Variants in KAZN observed in about 807,000 individuals in gnomAD.
KAZN encodes kazrin, periplakin interacting protein.
In KAZN, 40 loss-of-function variants were observed where a neutral mutation model predicts 87.4. That is an observed-to-expected ratio of 0.46 (90% confidence interval 0.36 to 0.60). KAZN has a LOEUF of 0.60. Ranked by LOEUF, KAZN falls within the 20% of genes least tolerant of loss-of-function variation. The probability of loss-of-function intolerance (pLI) is 0.00; values close to 1 mark genes in which losing one functional copy is unlikely to be tolerated. For missense variants in KAZN, 898 were observed against 1,073.9 expected (o/e 0.84, Z 2.29); for synonymous variants, 466 against 458.3 (o/e 1.02, Z -0.22).
At chr1:14,261,844 G>A (rs1433613715) in intron 2 of KAZN, among the ~76,000 whole-genome samples, 3 of 152,086 alleles carry the variant, frequency 2.0e-5, no homozygotes, top group African/African-American at 7.2e-5. Flanking sequence ...GGAATTCAGT[G>A]GGGAAATTGC....
At chr1:14,994,186 G>A (rs1294614722) in intron 2 of KAZN, among the ~76,000 whole-genome samples, 1 of 152,248 alleles carries the variant, frequency 6.6e-6, no homozygotes, top group East Asian at 1.9e-4. Flanking sequence ...AATGGAGGAG[G>A]CACCAAGGAA....
intron 2 of KAZN, among the ~76,000 whole-genome samples, chr1:14,962,494 T>A (rs551110165): frequency 3.6e-4 from 55 of 152,320 alleles, no homozygotes; most frequent in African/African-American, 1.3e-3. Flanking sequence ...TAGGCAGATC[T>A]GTGTGAGCCA....
chr1:14,160,408 T>G (rs1027897162), intron 1 of KAZN, among the ~76,000 whole-genome samples: 1 of 152,152 alleles, frequency 6.6e-6, no homozygotes, highest in Non-Finnish European at 1.5e-5. Flanking sequence ...CACACTAAGA[T>G]GCTTTCCACA....
At chr1:14,182,809 A>G (rs1168761202) in intron 2 of KAZN, among the ~76,000 whole-genome samples, 1 of 152,222 alleles carries the variant, frequency 6.6e-6, no homozygotes, top group Non-Finnish European at 1.5e-5. Context: ...TCATTTTCAT[A>G]CACTAAGTTC....
At chr1:14,702,240 G>C (rs1003772373) in intron 1 of KAZN, among the ~76,000 whole-genome samples, 1 of 152,038 alleles carries the variant, frequency 6.6e-6, no homozygotes, top group East Asian at 1.9e-4. Context: ...GGAGGTTGAA[G>C]AAGCAAACCT....
At chr1:13,937,633 T>C (rs1430402309) in intron 1 of KAZN, among the ~76,000 whole-genome samples, 1 of 152,236 alleles carries the variant, frequency 6.6e-6, no homozygotes, top group Non-Finnish European at 1.5e-5. Context: ...TTCCTAGGTT[T>C]TCTTCAAGGA....
intron 2 of KAZN, among the ~76,000 whole-genome samples, chr1:14,202,332 C>A (rs964823016): frequency 2.6e-5 from 4 of 152,206 alleles, no homozygotes; most frequent in African/African-American, 9.6e-5. Flanking sequence ...TCATCAGTTC[C>A]TCTTCTGAAG....
chr1:14,623,262 T>C (rs536181617), intron 1 of KAZN, among the ~76,000 whole-genome samples: 1 of 152,342 alleles, frequency 6.6e-6, no homozygotes, highest in South Asian at 2.1e-4. Context: ...ATGTAGTACA[T>C]GCACACCATG....
rs1051751480 is a variant in KAZN, at chr1:14,456,418, G to GT, written c.250-142555dup. 4.2e-3 allele frequency among the ~76,000 whole-genome samples: 630 copies of GT among 148,922 alleles called. 6 individuals are homozygous for GT. Among genetic ancestry groups the GT allele is most frequent in the African/African-American group, 0.014 (579 of 40,672 alleles). On this transcript the variant is annotated intron_variant, in intron 2 of 16. Transcript: ENST00000636203. ...TAGATATTCGAAAAATATTTGTTGA[G>GT]TTTTTTTTTTATGTTGAAGCTTTTA...
chr1:13,915,337 A>T (rs2100882394), intron 1 of KAZN, among the ~76,000 whole-genome samples: 1 of 152,352 alleles, frequency 6.6e-6, no homozygotes, highest in Non-Finnish European at 1.5e-5. Context: ...AGAAGAAAAA[A>T]ATGCACTTTG....
At chr1:14,535,765 C>A (rs376007949) in intron 2 of KAZN, among the ~76,000 whole-genome samples, 1 of 152,362 alleles carries the variant, frequency 6.6e-6, no homozygotes, top group East Asian at 1.9e-4. Context: ...CCCTGTTCCA[C>A]ATGTCTGAAA....
rs150402072 is a variant in KAZN, at chr1:14,626,228, C to T, written c.226+27005C>T. Among the ~76,000 whole-genome samples, 209 of 152,334 alleles carry T rather than the reference C, an allele frequency of 1.4e-3. 7 individuals carry two copies. The Middle Eastern group carries it at 0.017, about 12-fold the overall frequency. On this transcript the variant is annotated intron_variant, in intron 1 of 14. Coordinates refer to ENST00000376030, the MANE Select transcript of KAZN (RefSeq NM_201628.3). ...ATTATACGGAATTAATGACTTCTGGCTGTCAATCAATGACACTGTTATTGA... is the reference window on the plus strand; with the variant it reads ...ATTATACGGAATTAATGACTTCTGGTTGTCAATCAATGACACTGTTATTGA...
intron 1 of KAZN, among the ~76,000 whole-genome samples, chr1:13,982,905 C>T (rs546511412): frequency 1.3e-5 from 2 of 152,002 alleles, no homozygotes; most frequent in African/African-American, 2.4e-5. Context: ...TAAAAGTTCT[C>T]CAAGGCCCCA....
At chr1:14,537,547 G>T (rs1479390571) in intron 2 of KAZN, among the ~76,000 whole-genome samples, 6 of 152,190 alleles carry the variant, frequency 3.9e-5, no homozygotes, top group African/African-American at 1.4e-4. Context: ...CTTCCAATTT[G>T]ATCCCTGCCA....
At chr1:14,786,154 A>G (rs1052829527) in intron 1 of KAZN, among the ~76,000 whole-genome samples, 1 of 152,252 alleles carries the variant, frequency 6.6e-6, no homozygotes, top group Non-Finnish European at 1.5e-5. Flanking sequence ...TTAGTCAGAT[A>G]AACTCTTACA....
intron 1 of KAZN, among the ~76,000 whole-genome samples, chr1:14,088,104 G>A (rs1643895487): frequency 6.6e-6 from 1 of 151,020 alleles, no homozygotes; most frequent in African/African-American, 2.4e-5. Context: ...AAGGTTTTTA[G>A]CTACTAATCT....
chr1:14,313,695 G>T (rs1218150838), intron 2 of KAZN, among the ~76,000 whole-genome samples: 1 of 152,026 alleles, frequency 6.6e-6, no homozygotes, highest in African/African-American at 2.4e-5. Context: ...GTGAAAGAAG[G>T]TTATCATCTA....
chr1:14,354,129 G>C (rs1658791066), intron 2 of KAZN, among the ~76,000 whole-genome samples: 1 of 152,050 alleles, frequency 6.6e-6, no homozygotes, highest in South Asian at 2.1e-4. Context: ...CAATTCAATG[G>C]GGAATTGAAA....
At chr1:14,566,544 G>C (rs1674559889) in intron 2 of KAZN, among the ~76,000 whole-genome samples, 1 of 152,114 alleles carries the variant, frequency 6.6e-6, no homozygotes, top group Non-Finnish European at 1.5e-5. Flanking sequence ...TTTAAATCCA[G>C]GCATTAATTT....
Sources: allele counts gnomAD v4.1 joint callset (sites outside exome capture counted in the v4.1 genomes callset), GRCh38; gene constraint gnomAD v4.1.1; transcripts MANE v1.5; gene names NCBI Gene and HGNC (gene_info 2026-07-23, HGNC 2026-07-21).